The following GNB5 variants were observed in gnomAD, a reference collection of about 807,000 sequenced individuals.
GNB5 encodes the protein G protein subunit beta 5.
Under a neutral mutation model 55.3 loss-of-function variants are expected in GNB5, and 37 were observed. The ratio of observed to expected loss-of-function variants is 0.67; its 90% CI spans 0.51 to 0.88. The LOEUF is 0.88. GNB5 is among the 40% of genes least tolerant of loss of function. GNB5 has a pLI of 0.00. For synonymous variants in GNB5, 219 were observed against 198.5 expected, an observed-to-expected ratio of 1.10 and a Z score of -0.87; for missense variants, 476 against 515.3, an observed-to-expected ratio of 0.92 and a Z score of 0.74.
At chr15:52,164,445 C>T (rs546715066) in intron 3 of GNB5, among the ~76,000 whole-genome samples, 2 of 151,716 alleles carry the variant, frequency 1.3e-5, no homozygotes, top group East Asian at 1.9e-4. Context: ...GGTGAAACCC[C>T]GTCTCTACTG....
intron 2 of GNB5, among the ~76,000 whole-genome samples, chr15:52,183,175 C>T (rs1354359363): frequency 6.6e-6 from 1 of 152,206 alleles, no homozygotes; most frequent in Non-Finnish European, 1.5e-5. Flanking sequence ...AATAGTAGCG[C>T]TAGCTGGCAA....
intron 3 of GNB5, among the ~76,000 whole-genome samples, chr15:52,157,532 C>T (rs537666108): frequency 6.6e-6 from 1 of 152,196 alleles, no homozygotes; most frequent in Admixed American, 6.5e-5. Context: ...GAGTGAGCCA[C>T]CGCGCCCAGC....
At chr15:52,166,936 G>A (rs1469477752) in intron 3 of GNB5, among the ~76,000 whole-genome samples, 2 of 151,902 alleles carry the variant, frequency 1.3e-5, no homozygotes, top group East Asian at 3.9e-4. Flanking sequence ...TAGACCACTA[G>A]ATAGATTAAT....
rs138507442 is a variant in GNB5, at chr15:52,151,178, G to A, written c.376-1253C>T. ...ACACACAGTGTGTGGGGTGGATTCA[G>A]TAAGCCTTTAGCGCAGAAACTGGAG... On this transcript the variant is annotated intron_variant, in intron 4 of 12. Transcript: ENST00000261837. Among the ~76,000 whole-genome samples the A allele has an allele frequency of 3.3e-3, 508 of 152,268 alleles. 2 individuals carry two copies. The highest frequency in any genetic ancestry group is 7.1e-3 in the Admixed American group (108 of 15,286).
At chr15:52,125,825 G>T (rs1354757547) in intron 11 of GNB5, 123 bp downstream of exon 11, 3 of 620,292 alleles carry the variant, frequency 4.8e-6, no homozygotes, top group East Asian at 5.5e-5. Flanking sequence ...AAATATGGAT[G>T]ATTTCGCATA....
chr15:52,175,009 G>A (rs541448519), intron 3 of GNB5, among the ~76,000 whole-genome samples: 2 of 152,208 alleles, frequency 1.3e-5, no homozygotes, highest in South Asian at 4.2e-4. Context: ...GAATGCGGAG[G>A]TTGCAGCGAG....
chr15:52,136,491 G>A (rs1056267392), intron 7 of GNB5, among the ~76,000 whole-genome samples: 3 of 152,094 alleles, frequency 2.0e-5, no homozygotes, highest in Non-Finnish European at 4.4e-5. Context: ...TCTGGGGTGG[G>A]GCCTGAGCGT....
chr15:52,128,800 G>A (rs1309520552), intron 9 of GNB5: 2 of 453,184 alleles, frequency 4.4e-6, no homozygotes, highest in Admixed American at 2.4e-5. Context: ...TTCAATAAAT[G>A]ATAATTATTA....
chr15:52,119,446 G>GGGAA lies in GNB5; in HGVS notation c.*3310_*3311insTTCC, dbSNP rs2033213822. On this transcript the variant is annotated 3_prime_UTR_variant, in exon 13 of 13. Transcript: ENST00000261837. ...AGGGAGGAGGAGGAGATGGGAGGGA[G>GGGAA]GGAGGAGGAGATGGGAGGGAGGGAG... 1.4e-5 allele frequency: 1 copy of GGGAA among 72,484 alleles called. No homozygotes were observed. The highest frequency in any genetic ancestry group is 2.5e-5 in the Non-Finnish European group (1 of 39,862). The allele number at this position is 72,484 out of a possible 1,614,324, so 4.5% of individuals were successfully genotyped here. A position where few individuals can be genotyped will look rare whatever the true frequency, so the allele number is the denominator to read the frequency against.
intron 4 of GNB5, among the ~76,000 whole-genome samples, chr15:52,152,548 C>T (rs1555406828): frequency 6.6e-6 from 1 of 151,886 alleles, no homozygotes; most frequent in Non-Finnish European, 1.5e-5. Context: ...TAGTCTTGAA[C>T]TCCTGACCTC....
chr15:52,151,819 T>C (rs942627628), intron 4 of GNB5, among the ~76,000 whole-genome samples: 1 of 151,926 alleles, frequency 6.6e-6, no homozygotes, highest in African/African-American at 2.4e-5. Context: ...AAAATAATAA[T>C]AATGGGCAGG....
chr15:52,161,469 C>T (rs2034330868), intron 3 of GNB5, among the ~76,000 whole-genome samples: 2 of 152,134 alleles, frequency 1.3e-5, no homozygotes, highest in Non-Finnish European at 2.9e-5. Context: ...GGCTAATTTT[C>T]GTATTTTTTT....
chr15:52,135,634 A>G lies in GNB5; in HGVS notation c.750T>C (p.Thr250=). 1 of 1,613,772 alleles carries G rather than the reference A, an allele frequency of 6.2e-7. No individual in the cohort carries two copies. Among genetic ancestry groups the G allele is most frequent in the East Asian group, 2.2e-5 (1 of 44,842 alleles). ...TTACCCCAGACACGAAGGTGTTTCC[A>G]GTTTCTGAGGGGGCCAGGTCCAAGC... The part of the protein sequence containing the change: ...VLCLDLAPSE[T]GNTFVSGGCD... The change falls in exon 8 of 13, where the codon ACT becomes ACC. Residue 250 remains threonine, a synonymous_variant. Coordinates refer to ENST00000261837, the MANE Select transcript of GNB5 (RefSeq NM_016194.4).
At chr15:52,156,178 C>A (rs2034203772) in intron 3 of GNB5, among the ~76,000 whole-genome samples, 1 of 152,182 alleles carries the variant, frequency 6.6e-6, no homozygotes, top group African/African-American at 2.4e-5. Context: ...ATTACTAATA[C>A]TATTGACTTT....
In GNB5 at chr15:52,126,021, TG is replaced by T; in HGVS notation, c.935del (p.Ala312GlufsTer109). On this transcript the variant is annotated frameshift_variant, in exon 11 of 13. Coordinates refer to ENST00000261837, the MANE Select transcript of GNB5 (RefSeq NM_016194.4). LOFTEE classifies it high-confidence loss of function. ...DATCRLYDLR[A>X]DREVAIYSKE... is the part of the protein sequence containing the mutation. Reference sequence around the variant, plus strand: ...TGGAATAGATGGCAACCTCCCTATCTGCCCGCAGGTCATAGAGGCGACACTG... The same window carrying T: ...TGGAATAGATGGCAACCTCCCTATCTCCCGCAGGTCATAGAGGCGACACTG... 1 of 1,580,406 alleles carries T rather than the reference TG, an allele frequency of 6.3e-7. No homozygotes were observed. The highest frequency in any genetic ancestry group is 8.7e-7 in the Non-Finnish European group (1 of 1,152,288).
At position 52,166,228 on chromosome 15, in the gene GNB5, C is replaced by T. The variant is rs534649942; in HGVS notation, c.239-12152G>A. Among the ~76,000 whole-genome samples the T allele has an allele frequency of 4.7e-4, 71 of 152,296 alleles. 1 individual carries two copies. Among genetic ancestry groups the T allele is most frequent in the African/African-American group, 1.7e-3 (71 of 41,568 alleles). ...AGATCTACAAAGAGACTTACACTCC[C>T]ACACAATAATAGTGGGAGACTTTAA... On this transcript the variant is annotated intron_variant, in intron 3 of 12. Transcript: ENST00000261837.
intron 3 of GNB5, among the ~76,000 whole-genome samples, chr15:52,174,555 T>C (rs566019360): frequency 2.0e-5 from 3 of 152,276 alleles, no homozygotes; most frequent in Non-Finnish European, 2.9e-5. Flanking sequence ...ATATTTAATG[T>C]TGGCCAAGGG....
chr15:52,150,996 A>G (rs910908041), intron 4 of GNB5, among the ~76,000 whole-genome samples: 4 of 152,246 alleles, frequency 2.6e-5, no homozygotes, highest in Admixed American at 6.5e-5. Flanking sequence ...ATCTGCAGTG[A>G]CATAGCTGCT....
At chr15:52,169,522 G>A (rs568259108) in intron 3 of GNB5, among the ~76,000 whole-genome samples, 1 of 105,612 alleles carries the variant, frequency 9.5e-6, no homozygotes, top group East Asian at 3.0e-4. Context: ...TGGGTGACAA[G>A]AGCGAGACTC....
Sources: allele counts gnomAD v4.1 joint callset (sites outside exome capture counted in the v4.1 genomes callset), GRCh38; gene constraint gnomAD v4.1.1; transcripts MANE v1.5; gene names NCBI Gene and HGNC (gene_info 2026-07-23, HGNC 2026-07-21).